ATG4D: variants seen among roughly 807,000 people sequenced by gnomAD.
ATG4D encodes the protein cysteine protease ATG4D.
A neutral mutation model predicts 55.2 loss-of-function variants in ATG4D; 51 were observed. That is an observed-to-expected ratio of 0.92 (90% CI 0.74 to 1.17). The LOEUF (loss-of-function observed/expected upper bound fraction) is 1.17. ATG4D is among the 50% of genes most tolerant of loss of function. The pLI, the probability that ATG4D is intolerant of heterozygous loss-of-function variation, is 0.00. For missense variants in ATG4D, 635 were observed against 649.6 expected, an observed-to-expected ratio of 0.98 and a Z score of 0.25; for synonymous variants, 268 against 266.2, an observed-to-expected ratio of 1.01 and a Z score of -0.07.
rs967214983 is a variant in ATG4D at position 10,551,943 on chromosome 19, C to G, written c.1013C>G (p.Pro338Arg). 2 of 1,613,796 alleles carry G rather than the reference C, an allele frequency of 1.2e-6. No individual in the cohort carries two copies. The highest frequency in any genetic ancestry group is 4.5e-5 in the East Asian group (2 of 44,854). ...TGCCTGGGCATCATGGGTGGGAAAC[C>G]GCGACACTCACTGTACTTCATTGGC... ...ELCLGIMGGK[P>R]RHSLYFIGYQ... is the part of the protein sequence containing the mutation. The change falls in exon 7 of 10, where the codon CCG (proline) becomes CGG (arginine). Residue 338 changes from proline to arginine, a missense_variant. By Grantham distance (103) the Pro-to-Arg change is moderately radical (BLOSUM62 -2). Coordinates refer to ENST00000309469, the MANE Select transcript of ATG4D (RefSeq NM_032885.6).
Position 10,548,778 on chromosome 19 carries a change from G to C in ATG4D, c.836-126G>C, listed in dbSNP as rs575612164. ...TGGGGGGCACTAGAATGATGATTTTGGTTAGTGATGACAGTGTTGCCCTCT... is the reference window on the plus strand; with the variant it reads ...TGGGGGGCACTAGAATGATGATTTTCGTTAGTGATGACAGTGTTGCCCTCT... On this transcript the variant is annotated intron_variant, in intron 5 of 9. Coordinates refer to ENST00000309469, the MANE Select transcript of ATG4D (RefSeq NM_032885.6). The C allele has an allele frequency of 4.4e-4, 596 of 1,353,676 alleles. 6 individuals are homozygous for C. The South Asian group carries it at 7.9e-3, about 18-fold the overall frequency. 83.9% of individuals were successfully genotyped at this position (1,353,676 alleles called of 1,614,324 possible). A position where few individuals can be genotyped will look rare whatever the true frequency, so the allele number is the denominator to read the frequency against.
rs138606386 is a variant in ATG4D, at chr19:10,547,195, C to T, written c.777C>T (p.Ala259=). 14,300 of 1,613,958 alleles carry T rather than the reference C, an allele frequency of 8.9e-3. 79 individuals carry two copies. The highest frequency in any genetic ancestry group is 0.013 in the Middle Eastern group (81 of 6,060). ...PSLVAHILRK[A]VESCSDVTRL... is the part of the protein sequence containing the mutation. ...CCTTCCCTCCTGCCCCCAGGAAAGCCGTGGAGAGCTGCTCCGACGTCACCC... is the reference window on the plus strand; with the variant it reads ...CCTTCCCTCCTGCCCCCAGGAAAGCTGTGGAGAGCTGCTCCGACGTCACCC... The change falls in exon 5 of 10, where the codon GCC becomes GCT. Residue 259 remains alanine (A), a synonymous_variant. Transcript: ENST00000309469.
intron 3 of ATG4D, 34 bp from the exon 4 acceptor site, chr19:10,546,805 T>G (rs761534765): frequency 6.5e-7 from 1 of 1,539,540 alleles, no homozygotes; most frequent in Non-Finnish European, 8.8e-7. Flanking sequence ...CCCCACACAC[T>G]AGCACTGTTT....
chr19:10,545,021 C>T lies in ATG4D; in HGVS notation c.384C>T (p.Phe128=), dbSNP rs200667601. Residue 128 remains phenylalanine (F), a synonymous_variant, in exon 3 of 10, where the codon TTC becomes TTT. Coordinates refer to ENST00000309469, the MANE Select transcript of ATG4D (RefSeq NM_032885.6). Reference sequence around the variant, plus strand: ...TGTGGCTCACATACCGCCGGGACTTCCCGCCCCTTCCTGGGGGCTGCCTGA... The same window carrying T: ...TGTGGCTCACATACCGCCGGGACTTTCCGCCCCTTCCTGGGGGCTGCCTGA... The part of the protein sequence containing the change: ...SRLWLTYRRD[F]PPLPGGCLTS... 3.7e-6 allele frequency: 6 copies of T among 1,611,476 alleles called. No individual in the cohort carries two copies. Among genetic ancestry groups the T allele is most frequent in the Non-Finnish European group, 5.1e-6 (6 of 1,178,794 alleles).
intron 5 of ATG4D, among the ~76,000 whole-genome samples, 178 bp from the exon 6 acceptor site, chr19:10,548,726 G>A (rs1205153116): frequency 6.6e-6 from 1 of 152,168 alleles, no homozygotes; most frequent in African/African-American, 2.4e-5. Context: ...CACCTGCCTG[G>A]AGGTCCTGGG....
chr19:10,551,426 C>T (rs925586771), intron 6 of ATG4D, among the ~76,000 whole-genome samples: 3 of 151,862 alleles, frequency 2.0e-5, no homozygotes, highest in Non-Finnish European at 4.4e-5. Context: ...CGTGCTACTG[C>T]ACTCCAGCCT....
Position 10,551,911 on chromosome 19 carries a change from C to A in ATG4D, c.981C>A (p.Cys327Ter). The A allele has an allele frequency of 6.2e-7, 1 of 1,613,932 alleles. No individual in the cohort carries two copies. The highest frequency in any genetic ancestry group is 8.5e-7 in the Non-Finnish European group (1 of 1,180,000). ...CCTCCCTGCAGGAACTCCTGCGTTG[C>A]GAGCTGTGCCTGGGCATCATGGGTG... is the stretch of plus-strand genomic sequence containing the variant. ...YVPCVKELLR[C>*]ELCLGIMGGK... is the part of the protein sequence containing the mutation. Residue 327 changes from cysteine to a stop codon, truncating the protein, a stop_gained, in exon 7 of 10, where the codon TGC becomes TGA. Transcript: ENST00000309469. LOFTEE classifies it high-confidence loss of function.
Position 10,546,905 on chromosome 19 carries a change from G to A in ATG4D, c.560G>A (p.Arg187Gln), listed in dbSNP as rs777590069. The change falls in exon 4 of 10, where the codon CGG (arginine) becomes CAG (glutamine). Residue 187 changes from arginine (R) to glutamine (Q), a missense_variant. Transcript: ENST00000309469. ...PELSGSASPS[R>Q]YHGPARWMPP... ...CTGTCAGGGTCAGCCTCTCCCAGCC[G>A]GTACCATGGGCCTGCCCGCTGGATG... The A allele has an allele frequency of 1.1e-5, 18 of 1,611,452 alleles. No homozygotes were observed. The highest frequency in any genetic ancestry group is 8.0e-5 in the African/African-American group (6 of 75,020).
intron 5 of ATG4D, among the ~76,000 whole-genome samples, chr19:10,548,582 G>T (rs2144690302): frequency 6.6e-6 from 1 of 152,216 alleles, no homozygotes; most frequent in South Asian, 2.1e-4. Flanking sequence ...CCGAGGCATG[G>T]AGTCACTGAG....
chr19:10,549,028 C>T lies in ATG4D; in HGVS notation c.960C>T (p.Cys320=), dbSNP rs533372614. The stretch of plus-strand genomic sequence containing the variant: ...CTCTCAACCCCGTGTATGTGCCCTG[C>T]GTGAAGGTAGGTTCAGCTGAATTCT... ...GETLNPVYVP[C]VKELLRCELC... Residue 320 remains cysteine, a synonymous_variant, in exon 6 of 10, where the codon TGC becomes TGT. Transcript: ENST00000309469. 40 of 1,613,992 alleles carry T rather than the reference C, an allele frequency of 2.5e-5. No individual in the cohort carries two copies. The Admixed American group carries it at 5.5e-4, about 22-fold the overall frequency.
chr19:10,551,461 G>A (rs1187070334), intron 6 of ATG4D, among the ~76,000 whole-genome samples: 2 of 151,900 alleles, frequency 1.3e-5, no homozygotes, highest in South Asian at 2.1e-4. Flanking sequence ...TTAGGAGGCC[G>A]AGACGGGCAG....
chr19:10,551,806 C>T lies in ATG4D; in HGVS notation c.967-91C>T, dbSNP rs902286091. The T allele has an allele frequency of 8.0e-5, 97 of 1,208,340 alleles. 2 individuals carry two copies. In the Middle Eastern group the frequency reaches 9.3e-4, roughly 12 times the overall value. 74.9% of individuals were successfully genotyped at this position (1,208,340 alleles called of 1,614,324 possible). A position where few individuals can be genotyped will look rare whatever the true frequency, so the allele number is the denominator to read the frequency against. On this transcript the variant is annotated intron_variant, in intron 6 of 9. Coordinates refer to ENST00000309469, the MANE Select transcript of ATG4D (RefSeq NM_032885.6). ...GTTTTGTGGTCTTGATCACTGCTGC[C>T]CTCCAGAGGCTGGGTTCTCACAGAG...
Position 10,548,972 on chromosome 19 carries a change from A to T in ATG4D, c.904A>T (p.Ile302Phe). 2 of 1,614,072 alleles carry T rather than the reference A, an allele frequency of 1.2e-6. No homozygotes were observed. Among genetic ancestry groups the T allele is most frequent in the Non-Finnish European group, 1.7e-6 (2 of 1,179,996 alleles). The change falls in exon 6 of 10, where the codon ATC becomes TTC. Residue 302 changes from isoleucine to phenylalanine, a missense_variant. Physicochemically the swap from Ile to Phe is conservative, Grantham distance 21. Transcript: ENST00000309469. ...DPTAEWKSVV[I>F]LVPVRLGGET... ...CACAGCCGAGTGGAAGTCTGTGGTC[A>T]TCCTGGTGCCCGTGCGACTGGGTGG...
At position 10,546,862 on chromosome 19, in the gene ATG4D, G is replaced by C. The variant is rs775891566; in HGVS notation, c.517G>C (p.Gly173Arg). The C allele has an allele frequency of 3.1e-6, 5 of 1,601,390 alleles. No homozygotes were observed. The highest frequency in any genetic ancestry group is 2.2e-5 in the East Asian group (1 of 44,640). Residue 173 changes from glycine (G) to arginine (R), a missense_variant, in exon 4 of 10, where the codon GGC becomes CGC. Coordinates refer to ENST00000309469, the MANE Select transcript of ATG4D (RefSeq NM_032885.6). ...AGACTGGACATGGGCCGAGGGCATG[G>C]GCCTGGGCCCCCCTGAGCTGTCAGG... ...PRDWTWAEGM[G>R]LGPPELSGSA...
chr19:10,547,234 C>T lies in ATG4D; in HGVS notation c.816C>T (p.Tyr272=), dbSNP rs769363951. ...SCSDVTRLVV[Y]VSQDCTVYKA... ...CCGACGTCACCCGCCTGGTGGTGTA[C>T]GTTTCTCAGGACTGCACAGGTAAGG... Residue 272 remains tyrosine (Y), a synonymous_variant, in exon 5 of 10, where the codon TAC becomes TAT. Coordinates refer to ENST00000309469, the MANE Select transcript of ATG4D (RefSeq NM_032885.6). 9.9e-6 allele frequency: 16 copies of T among 1,613,758 alleles called. No homozygotes were observed. The highest frequency in any genetic ancestry group is 5.0e-5 in the Admixed American group (3 of 59,990).
intron 3 of ATG4D, among the ~76,000 whole-genome samples, chr19:10,546,052 G>A (rs1265954993): frequency 1.3e-5 from 2 of 151,828 alleles, no homozygotes; most frequent in Non-Finnish European, 2.9e-5. Flanking sequence ...CGAGTGTGGT[G>A]GCTCATGCCT....
At position 10,544,104 on chromosome 19, in the gene ATG4D, C is replaced by A. The variant is rs914086695; in HGVS notation, c.14C>A (p.Ser5Ter). Residue 5 changes from serine (S) to a stop codon, truncating the protein, a stop_gained, in exon 1 of 10, where the codon TCG becomes TAG. Transcript: ENST00000309469. LOFTEE classifies it high-confidence loss of function. The stretch of plus-strand genomic sequence containing the variant: ...CCCGGCGCGTCCATGAACTCAGTGT[C>A]GCCGGCCGCCGCGCAGTACCGGAGC... MNSV[S>*]PAAAQYRSSS... 4.0e-6 allele frequency: 5 copies of A among 1,240,512 alleles called. No individual in the cohort carries two copies. The African/African-American group carries it at 6.2e-5, about 15-fold the overall frequency. The allele number at this position is 1,240,512 out of a possible 1,614,324, so 76.8% of individuals were successfully genotyped here. A position where few individuals can be genotyped will look rare whatever the true frequency, so the allele number is the denominator to read the frequency against.
intron 7 of ATG4D, 31 bp from the exon 8 acceptor site, chr19:10,552,014 G>A (rs376594506): frequency 1.5e-4 from 120 of 775,266 alleles, no homozygotes; most frequent in Middle Eastern, 3.6e-4. Flanking sequence ...ACCCCCCACC[G>A]CACCCCCACT....
At chr19:10,550,048 C>G (rs1916172803) in intron 6 of ATG4D, among the ~76,000 whole-genome samples, 1 of 152,026 alleles carries the variant, frequency 6.6e-6, no homozygotes, top group Admixed American at 6.6e-5. Flanking sequence ...CACTCTCTTG[C>G]CCACGCTGGA....
Sources: allele counts gnomAD v4.1 joint callset (sites outside exome capture counted in the v4.1 genomes callset), GRCh38; gene constraint gnomAD v4.1.1; transcripts MANE v1.5; gene names NCBI Gene and HGNC (gene_info 2026-07-23, HGNC 2026-07-21).